The following OXR1 variants were observed in gnomAD, a reference collection of about 807,000 sequenced individuals.
OXR1 encodes oxidation resistance protein 1.
Under a neutral mutation model 104.6 loss-of-function variants are expected in OXR1, and 41 were observed. The observed-to-expected ratio is 0.39, with a 90% CI of 0.31 to 0.51. The LOEUF (loss-of-function observed/expected upper bound fraction) is 0.51, where lower values mean the gene tolerates loss of function less well. Ranked by LOEUF, OXR1 falls within the 20% of genes least tolerant of loss-of-function variation. The pLI is 0.77. For missense variants in OXR1, 955 were observed against 1,031.9 expected (o/e 0.93, Z 1.02); for synonymous variants, 348 against 348.4 (o/e 1.00, Z 0.01).
chr8:106,309,152 T>C (rs1158016612), intron 1 of OXR1, among the ~76,000 whole-genome samples: 1 of 152,078 alleles, frequency 6.6e-6, no homozygotes, highest in Non-Finnish European at 1.5e-5. Context: ...TAATTACATT[T>C]TTTATTTTTG....
At chr8:106,579,927 T>G (rs1386780600) in intron 3 of OXR1, among the ~76,000 whole-genome samples, 1 of 152,062 alleles carries the variant, frequency 6.6e-6, no homozygotes, top group African/African-American at 2.4e-5. Flanking sequence ...CAGAAGCATG[T>G]GCATTCTGAT....
intron 2 of OXR1, among the ~76,000 whole-genome samples, chr8:106,367,881 CT>C (rs1816541491): frequency 6.6e-6 from 1 of 152,078 alleles, no homozygotes; most frequent in African/African-American, 2.4e-5. Flanking sequence ...GACAAAGAAC[CT>C]GAGACTGAAA....
intron 4 of OXR1, among the ~76,000 whole-genome samples, chr8:106,680,695 TA>T (rs1373956420): frequency 6.6e-6 from 1 of 152,204 alleles, no homozygotes; most frequent in East Asian, 1.9e-4. Flanking sequence ...TTGGAGTGCT[TA>T]AGAACTTTAT....
intron 2 of OXR1, among the ~76,000 whole-genome samples, chr8:106,485,532 C>T (rs1022250253): frequency 2.6e-5 from 4 of 152,020 alleles, no homozygotes; most frequent in African/African-American, 9.7e-5. Context: ...AAACTGTTCA[C>T]CTATTTCAGA....
chr8:106,541,548 G>A (rs1369048438), intron 3 of OXR1, among the ~76,000 whole-genome samples: 1 of 152,212 alleles, frequency 6.6e-6, no homozygotes, highest in Non-Finnish European at 1.5e-5. Context: ...GTTTCAAGTA[G>A]TATCATAAAA....
intron 1 of OXR1, among the ~76,000 whole-genome samples, chr8:106,339,039 AAG>A (rs1815082944): frequency 1.3e-5 from 2 of 152,206 alleles, no homozygotes. Flanking sequence ...TCTTAGTTTA[AAG>A]GTGCTTCTTT....
At chr8:106,572,054 C>T (rs780101201) in intron 3 of OXR1, among the ~76,000 whole-genome samples, 6 of 152,184 alleles carry the variant, frequency 3.9e-5, no homozygotes, top group Non-Finnish European at 8.8e-5. Context: ...AGGGTCCCCA[C>T]TCTTTCAAAT....
At chr8:106,516,783 A>G (rs774943064) in intron 2 of OXR1, among the ~76,000 whole-genome samples, 7 of 152,176 alleles carry the variant, frequency 4.6e-5, no homozygotes, top group Non-Finnish European at 8.8e-5. Flanking sequence ...ATTTTAAGAG[A>G]GAGAAAGAGA....
In OXR1 at chr8:106,707,061, A is replaced by G; in HGVS notation, c.1540A>G (p.Thr514Ala). 1 of 1,613,952 alleles carries G rather than the reference A, an allele frequency of 6.2e-7. No individual in the cohort carries two copies. The change falls in exon 9 of 17, where the codon ACT becomes GCT. Residue 514 changes from threonine (T) to alanine (A), a missense_variant. By Grantham distance (58) the Thr-to-Ala change is moderately conservative. Coordinates refer to ENST00000517566, the MANE Select transcript of OXR1 (RefSeq NM_001198533.2). ...KLWKTHTMQQTKQQRENIQQV... is the reference protein window; with the variant it reads ...KLWKTHTMQQAKQQRENIQQV... ...TTGGAAAACCCATACTATGCAACAAACTAAACAGCAAAGGGAAAATATTCA... is the reference window on the plus strand; with the variant it reads ...TTGGAAAACCCATACTATGCAACAAGCTAAACAGCAAAGGGAAAATATTCA...
chr8:106,458,694 CAGGGGTGGGA>C (rs1435228876), intron 2 of OXR1, among the ~76,000 whole-genome samples: 5 of 152,094 alleles, frequency 3.3e-5, no homozygotes, highest in Admixed American at 6.5e-5. Context: ...AGCAGTCCCA[CAGGGGTGGGA>C]CTGCCTGAGG....
At chr8:106,531,640 A>G (rs949421063) in intron 3 of OXR1, among the ~76,000 whole-genome samples, 1 of 152,190 alleles carries the variant, frequency 6.6e-6, no homozygotes, top group African/African-American at 2.4e-5. Context: ...GGCCAATTCA[A>G]TAGAATTTCT....
At chr8:106,702,871 T>C (rs1380809488) in intron 7 of OXR1, 35 bp from the exon 8 acceptor site, 1 of 1,527,468 alleles carries the variant, frequency 6.5e-7, no homozygotes, top group Non-Finnish European at 9.0e-7. Flanking sequence ...GTATCAACCT[T>C]GAGGATTAAA....
intron 3 of OXR1, among the ~76,000 whole-genome samples, chr8:106,533,060 ATT>A (rs1364052471): frequency 6.6e-6 from 1 of 152,048 alleles, no homozygotes; most frequent in Non-Finnish European, 1.5e-5. Flanking sequence ...ACTACATTAT[ATT>A]TAGTTGTCAC....
intron 2 of OXR1, among the ~76,000 whole-genome samples, chr8:106,373,137 G>A (rs527256866): frequency 6.6e-6 from 1 of 152,242 alleles, no homozygotes; most frequent in African/African-American, 2.4e-5. Flanking sequence ...GTCTCTGGGA[G>A]GATGTATATA....
chr8:106,401,774 A>G (rs528459901), intron 2 of OXR1, among the ~76,000 whole-genome samples: 1 of 152,098 alleles, frequency 6.6e-6, no homozygotes, highest in African/African-American at 2.4e-5. Context: ...TGTCAGTTTT[A>G]TTTCCCACCC....
chr8:106,533,990 G>T (rs891346867), intron 3 of OXR1, among the ~76,000 whole-genome samples: 2 of 152,158 alleles, frequency 1.3e-5, no homozygotes, highest in African/African-American at 4.8e-5. Context: ...TAGGATTACA[G>T]GCGTGAACCA....
At position 106,679,255 on chromosome 8, in the gene OXR1, T is replaced by C; in HGVS notation, c.266T>C (p.Met89Thr). Residue 89 changes from methionine to threonine, a missense_variant, in exon 4 of 17, where the codon ATG becomes ACG. This residue lies in a region of OXR1 where 849 missense variants were observed against 852.9 expected (regional missense o/e 1.00). Coordinates refer to ENST00000517566, the MANE Select transcript of OXR1 (RefSeq NM_001198533.2). ...KTLDKKDGRRMSFQKPKGTIE... is the reference protein window; with the variant it reads ...KTLDKKDGRRTSFQKPKGTIE... ...CTAGACAAGAAAGATGGAAGACGAATGTCTTTTCAGAAACCTAAAGGGACT... is the reference window on the plus strand; with the variant it reads ...CTAGACAAGAAAGATGGAAGACGAACGTCTTTTCAGAAACCTAAAGGGACT... 2 of 1,610,712 alleles carry C rather than the reference T, an allele frequency of 1.2e-6. No homozygotes were observed. The highest frequency in any genetic ancestry group is 1.7e-6 in the Non-Finnish European group (2 of 1,177,504).
chr8:106,666,312 A>G (rs1826324270), intron 3 of OXR1, among the ~76,000 whole-genome samples: 1 of 152,220 alleles, frequency 6.6e-6, no homozygotes, highest in Non-Finnish European at 1.5e-5. Flanking sequence ...TGTGATGGCC[A>G]GTATGGTAGC....
intron 3 of OXR1, among the ~76,000 whole-genome samples, chr8:106,640,250 G>GCAAATATATATATATGTTTGCATATATA (rs1192227689): frequency 2.0e-5 from 3 of 151,240 alleles, no homozygotes; most frequent in African/African-American, 7.3e-5. Flanking sequence ...TACAACCAAT[G>GCAAATATATATATATGTTTGCATATATA]CAAATATATA....
Sources: gnomAD v4.1 joint callset for allele counts (sites outside exome capture counted in the v4.1 genomes callset) on GRCh38, gnomAD v4.1.1 for gene constraint, gnomAD v4.1.1 regional missense constraint, MANE v1.5 for transcripts, NCBI Gene and HGNC (gene_info 2026-07-23, HGNC 2026-07-21) for gene names.